Variants in MSI2 observed in about 807,000 individuals in gnomAD.
The protein encoded by MSI2 is musashi RNA binding protein 2.
In MSI2, 17 loss-of-function variants were observed where a neutral mutation model predicts 45.6. The observed-to-expected ratio is 0.37, with a 90% CI of 0.26 to 0.56. The LOEUF is 0.56. Ranked by LOEUF, MSI2 falls within the 20% of genes least tolerant of loss-of-function variation. MSI2 has a pLI of 0.77. For missense variants in MSI2, 293 were observed against 444.2 expected (o/e 0.66, Z 3.06); for synonymous variants, 156 against 158.2 (o/e 0.99, Z 0.11).
At chr17:57,313,664 G>A (rs1912599780) in intron 5 of MSI2, among the ~76,000 whole-genome samples, 1 of 152,258 alleles carries the variant, frequency 6.6e-6, no homozygotes, top group Admixed American at 6.5e-5. Context: ...AGGGGAACTT[G>A]CTGAGAAGTT....
At chr17:57,272,255 T>A (rs1908442891) in intron 5 of MSI2, among the ~76,000 whole-genome samples, 1 of 152,234 alleles carries the variant, frequency 6.6e-6, no homozygotes, top group Non-Finnish European at 1.5e-5. Flanking sequence ...ATGTTGAGTT[T>A]TGTCCTTTAT....
chr17:57,339,042 T>G (rs1314883987), intron 5 of MSI2, among the ~76,000 whole-genome samples: 1 of 152,198 alleles, frequency 6.6e-6, no homozygotes, highest in African/African-American at 2.4e-5. Context: ...TTCTTTCTCT[T>G]TGTGGCTTTC....
chr17:57,503,181 G>A (rs900773080), intron 6 of MSI2, among the ~76,000 whole-genome samples: 7 of 152,178 alleles, frequency 4.6e-5, no homozygotes, highest in Non-Finnish European at 8.8e-5. Context: ...TCCAAGGAAT[G>A]AAAGAGAGCT....
At chr17:57,388,978 C>CTT (rs201575641) in intron 5 of MSI2, among the ~76,000 whole-genome samples, 26 of 127,660 alleles carry the variant, frequency 2.0e-4, no homozygotes, top group South Asian at 2.6e-4. Flanking sequence ...TCTTCTTCTT[C>CTT]TTCTTTTTTT....
chr17:57,324,678 C>A (rs1006212789), intron 5 of MSI2, among the ~76,000 whole-genome samples: 8 of 152,300 alleles, frequency 5.3e-5, no homozygotes, highest in African/African-American at 1.9e-4. Context: ...AGATCCTCCT[C>A]CTGAACCAGC....
chr17:57,438,927 G>A (rs909546550), intron 6 of MSI2, among the ~76,000 whole-genome samples: 2 of 152,006 alleles, frequency 1.3e-5, no homozygotes, highest in East Asian at 1.9e-4. Flanking sequence ...AGCCTCCCAA[G>A]TAGCTAGGAT....
At chr17:57,367,685 AC>A (rs2143939967) in intron 5 of MSI2, among the ~76,000 whole-genome samples, 1 of 152,316 alleles carries the variant, frequency 6.6e-6, no homozygotes, top group African/African-American at 2.4e-5. Context: ...CCTGCAAGGT[AC>A]CCTTAATTCT....
intron 5 of MSI2, among the ~76,000 whole-genome samples, chr17:57,314,633 G>A (rs951409035): frequency 4.1e-5 from 6 of 146,306 alleles, no homozygotes; most frequent in Admixed American, 1.4e-4. Flanking sequence ...GTGCAGTGGC[G>A]CGATCTCGGC....
Position 57,580,067 on chromosome 17 carries a change from GA to G in MSI2, c.455-16787del, listed in dbSNP as rs531964033. Reference sequence around the variant, plus strand: ...CCTAGGGCCTTGAAAGAATGTTCCAGAAAAAAAAAAAAAATAGAACCAGGTG... The same window carrying G: ...CCTAGGGCCTTGAAAGAATGTTCCAGAAAAAAAAAAAAATAGAACCAGGTG... On this transcript the variant is annotated intron_variant, in intron 7 of 13. Transcript: ENST00000284073. 5.5e-3 allele frequency among the ~76,000 whole-genome samples: 757 copies of G among 138,372 alleles called. 7 individuals are homozygous for G. The highest frequency in any genetic ancestry group is 0.014 in the African/African-American group (545 of 37,674). The allele number at this position is 138,372 out of a possible 152,430, so 90.8% of individuals were successfully genotyped here. A position where few individuals can be genotyped will look rare whatever the true frequency, so the allele number is the denominator to read the frequency against.
At chr17:57,424,500 CTGGAGATCCTTTGAAAGT>C (rs1411975006) in intron 6 of MSI2, among the ~76,000 whole-genome samples, 1 of 152,198 alleles carries the variant, frequency 6.6e-6, no homozygotes, top group Non-Finnish European at 1.5e-5. Flanking sequence ...TCTTCTTCTT[CTGGAGATCCTTTGAAAGT>C]TTTCTCATAG....
chr17:57,664,138 TC>T (rs1284558946), intron 11 of MSI2, among the ~76,000 whole-genome samples: 2 of 152,338 alleles, frequency 1.3e-5, no homozygotes, highest in Non-Finnish European at 1.5e-5. Flanking sequence ...CCATTTCAGC[TC>T]TACAGCTCTG....
chr17:57,597,417 G>A (rs994920489), intron 8 of MSI2, among the ~76,000 whole-genome samples: 4 of 148,654 alleles, frequency 2.7e-5, no homozygotes, highest in Non-Finnish European at 4.4e-5. Context: ...AATCACTTGA[G>A]GCCAGGAGTT....
chr17:57,320,647 A>G, intron 5 of MSI2, among the ~76,000 whole-genome samples: 1 of 152,156 alleles, frequency 6.6e-6, no homozygotes. Context: ...GGGATGAATA[A>G]TTCTTCCAGA....
At chr17:57,678,862 A>G (rs922002026) in intron 13 of MSI2, among the ~76,000 whole-genome samples, 3 of 152,222 alleles carry the variant, frequency 2.0e-5, no homozygotes, top group African/African-American at 4.8e-5. Context: ...GGACTGGTCA[A>G]ACACACCCAT....
chr17:57,434,911 G>A (rs1302429763), intron 6 of MSI2, among the ~76,000 whole-genome samples: 5 of 152,142 alleles, frequency 3.3e-5, no homozygotes, highest in African/African-American at 1.2e-4. Flanking sequence ...GTCAGGTGCT[G>A]TGTTAGGCAC....
intron 10 of MSI2, chr17:57,632,981 T>G (rs966222956): frequency 1.9e-6 from 2 of 1,050,154 alleles, no homozygotes; most frequent in Middle Eastern, 4.3e-4. Flanking sequence ...TCTGTATGGC[T>G]TTTCCCCATC....
chr17:57,574,202 T>A (rs2087953203), intron 7 of MSI2, among the ~76,000 whole-genome samples: 1 of 152,232 alleles, frequency 6.6e-6, no homozygotes, highest in Non-Finnish European at 1.5e-5. Context: ...TGGGGAAAGC[T>A]AATGGCCAAG....
Position 57,596,094 on chromosome 17 carries a change from G to A in MSI2, c.455-774G>A, listed in dbSNP as rs1191647387. ...CTTACTGAGTGGGGTCACAGATGGG[G>A]CCACATGCTGGAAACGCTGTCGGAG... On this transcript the variant is annotated intron_variant, in intron 7 of 13. Transcript: ENST00000284073. This position sits in a 1 kb window ranked among gnomAD's most constrained non-coding sequence, Gnocchi z 4.6. Among the ~76,000 whole-genome samples, 1 of 152,218 alleles carries A rather than the reference G, an allele frequency of 6.6e-6. No homozygotes were observed. The highest frequency in any genetic ancestry group is 6.5e-5 in the Admixed American group (1 of 15,288).
intron 6 of MSI2, among the ~76,000 whole-genome samples, chr17:57,415,097 G>A (rs147552342): frequency 4.8e-4 from 73 of 152,224 alleles, no homozygotes; most frequent in African/African-American, 1.5e-3. Context: ...CGGTGAGAGC[G>A]TTGACTCATC....
Sources: allele counts gnomAD v4.1 joint callset (sites outside exome capture counted in the v4.1 genomes callset), GRCh38; gene constraint gnomAD v4.1.1; non-coding constraint Gnocchi (gnomAD v3.1); transcripts MANE v1.5; gene names NCBI Gene and HGNC (gene_info 2026-07-23, HGNC 2026-07-21).